OCA2: variants seen among roughly 807,000 people sequenced by gnomAD.
The protein encoded by OCA2 is P protein.
A neutral mutation model predicts 100.2 loss-of-function variants in OCA2; 77 were observed. That is an observed-to-expected ratio of 0.77 (90% CI 0.64 to 0.93). The LOEUF is 0.93. OCA2 is among the 40% of genes least tolerant of loss of function. OCA2 has a pLI of 0.00. For synonymous variants in OCA2, 432 were observed against 439.2 expected, an observed-to-expected ratio of 0.98 and a Z score of 0.21; for missense variants, 1,062 against 1,089.1, an observed-to-expected ratio of 0.98 and a Z score of 0.35.
At chr15:27,753,516 G>A (rs1045053412), downstream of OCA2, among the ~76,000 whole-genome samples, 15 of 152,154 alleles carry the variant, frequency 9.9e-5, no homozygotes, top group South Asian at 4.2e-4. Context: ...GGTGGATCAC[G>A]AGGTCAGGAG....
intron 2 of OCA2, among the ~76,000 whole-genome samples, chr15:28,053,192 G>A (rs990533684): frequency 6.6e-6 from 1 of 152,176 alleles, no homozygotes; most frequent in Admixed American, 6.5e-5. Flanking sequence ...TGGCCACAGC[G>A]TCATCGTTAC....
chr15:27,935,934 C>A (rs1365590004), intron 18 of OCA2, among the ~76,000 whole-genome samples: 1 of 152,218 alleles, frequency 6.6e-6, no homozygotes, highest in Non-Finnish European at 1.5e-5. Flanking sequence ...TTGAGGCACA[C>A]AGGATGCATC....
chr15:27,732,136 G>A, the OCA2 span, among the ~76,000 whole-genome samples: 1 of 152,198 alleles, frequency 6.6e-6, no homozygotes, highest in African/African-American at 2.4e-5. Context: ...TTTCATTTCA[G>A]AGTGAAAGAG....
At chr15:27,922,364 T>C (rs75154457) in intron 19 of OCA2, among the ~76,000 whole-genome samples, 22 of 152,332 alleles carry the variant, frequency 1.4e-4, no homozygotes, top group African/African-American at 5.3e-4. Flanking sequence ...ATGGAGATGA[T>C]CAGCACCATA....
At chr15:27,722,092 G>A in the OCA2 span, among the ~76,000 whole-genome samples, 65 of 152,312 alleles carry the variant, frequency 4.3e-4, no homozygotes, top group African/African-American at 1.5e-3. Context: ...CAGCATAATT[G>A]TGGAGTATTT....
intron 14 of OCA2, among the ~76,000 whole-genome samples, chr15:27,982,456 G>C (rs2041198640): frequency 6.6e-6 from 1 of 152,174 alleles, no homozygotes; most frequent in African/African-American, 2.4e-5. Flanking sequence ...CATGACCATG[G>C]CTGCACACCT....
At chr15:27,923,375 G>T (rs981915013) in intron 19 of OCA2, among the ~76,000 whole-genome samples, 1 of 152,062 alleles carries the variant, frequency 6.6e-6, no homozygotes, top group Non-Finnish European at 1.5e-5. Context: ...CCCAGTAATG[G>T]GATTTCCTGA....
chr15:27,870,847 AAAGC>A (rs981734839), intron 21 of OCA2, among the ~76,000 whole-genome samples: 5 of 152,194 alleles, frequency 3.3e-5, no homozygotes, highest in African/African-American at 1.2e-4. Context: ...AGAAAGAGAG[AAAGC>A]AAGCAAGCAA....
chr15:28,027,205 C>G (rs911601095), intron 4 of OCA2, among the ~76,000 whole-genome samples: 1 of 152,206 alleles, frequency 6.6e-6, no homozygotes, highest in Admixed American at 6.5e-5. Context: ...CCCACGCATG[C>G]GCGCCCTAGG....
chr15:27,804,807 G>A (rs1378647949), intron 23 of OCA2, among the ~76,000 whole-genome samples: 2 of 152,208 alleles, frequency 1.3e-5, no homozygotes, highest in East Asian at 3.9e-4. Context: ...CCAGCGTCCT[G>A]CAGCCTACGG....
intron 23 of OCA2, among the ~76,000 whole-genome samples, chr15:27,792,418 G>A (rs975264775): frequency 2.6e-5 from 4 of 152,150 alleles, no homozygotes; most frequent in Non-Finnish European, 4.4e-5. Flanking sequence ...CCTTTACATG[G>A]CAGTGGAAAT....
chr15:27,774,729 C>T (rs1349364168), intron 23 of OCA2, among the ~76,000 whole-genome samples: 1 of 152,066 alleles, frequency 6.6e-6, no homozygotes, highest in Non-Finnish European at 1.5e-5. Flanking sequence ...GGGATGGGGC[C>T]CCAATCCGGG....
chr15:27,835,846 G>T (rs148749376), intron 23 of OCA2, among the ~76,000 whole-genome samples: 28 of 152,164 alleles, frequency 1.8e-4, no homozygotes, highest in African/African-American at 5.8e-4. Context: ...AGTGGTCTGC[G>T]TGCCTCTCCC....
At chr15:27,891,991 T>C (rs555285129) in intron 19 of OCA2, among the ~76,000 whole-genome samples, 58 of 152,172 alleles carry the variant, frequency 3.8e-4, no homozygotes, top group African/African-American at 1.3e-3. Flanking sequence ...TAAATAATGA[T>C]AAATAGGTCA....
chr15:28,030,561 C>T (rs895748429), intron 3 of OCA2, among the ~76,000 whole-genome samples: 3 of 152,136 alleles, frequency 2.0e-5, no homozygotes, highest in Non-Finnish European at 2.9e-5. Flanking sequence ...ATCCAAATCC[C>T]GGGAGCCAGA....
At chr15:27,894,617 T>G (rs904332007) in intron 19 of OCA2, among the ~76,000 whole-genome samples, 1 of 152,182 alleles carries the variant, frequency 6.6e-6, no homozygotes, top group African/African-American at 2.4e-5. Flanking sequence ...GCTAAGCATC[T>G]TAGTGATTTG....
chr15:27,869,763 C>T (rs2036470178), intron 21 of OCA2, among the ~76,000 whole-genome samples: 1 of 152,144 alleles, frequency 6.6e-6, no homozygotes, highest in African/African-American at 2.4e-5. Context: ...CGCGGAGTCT[C>T]CTGTGGACTG....
At chr15:27,947,854 G>C (rs1408454966) in intron 18 of OCA2, among the ~76,000 whole-genome samples, 1 of 152,102 alleles carries the variant, frequency 6.6e-6, no homozygotes, top group African/African-American at 2.4e-5. Flanking sequence ...CTCACTGCCC[G>C]GCCCCCATCC....
At chr15:28,079,437 C>A (rs1379679584) in intron 2 of OCA2, among the ~76,000 whole-genome samples, 2 of 152,184 alleles carry the variant, frequency 1.3e-5, no homozygotes, top group Admixed American at 1.3e-4. Flanking sequence ...TGGCCACACA[C>A]CTGCCCAGGA....
Sources: allele counts gnomAD v4.1 joint callset (sites outside exome capture counted in the v4.1 genomes callset), GRCh38; gene constraint gnomAD v4.1.1; transcripts MANE v1.5; gene names NCBI Gene and HGNC (gene_info 2026-07-23, HGNC 2026-07-21).